SLC26A7: variants seen among roughly 807,000 people sequenced by gnomAD.
SLC26A7 encodes anion exchange transporter.
In SLC26A7, 59 loss-of-function variants were observed where a neutral mutation model predicts 82.5. The ratio of observed to expected loss-of-function variants is 0.72; its 90% CI spans 0.58 to 0.89. The LOEUF (loss-of-function observed/expected upper bound fraction) is 0.89. Among genes scored for constraint, SLC26A7 ranks in the 40% least tolerant of loss-of-function variants. The pLI, the probability that SLC26A7 is intolerant of heterozygous loss-of-function variation, is 0.00. For synonymous variants in SLC26A7, 271 were observed against 274.3 expected (o/e 0.99, Z 0.12); for missense variants, 820 against 793.0 (o/e 1.03, Z -0.41).
At chr8:91,327,417 C>G (rs1812962667) in intron 5 of SLC26A7, among the ~76,000 whole-genome samples, 1 of 152,070 alleles carries the variant, frequency 6.6e-6, no homozygotes, top group African/African-American at 2.4e-5. Context: ...ACAGTAGATA[C>G]AATGAGTAAA....
chr8:91,345,863 C>A (rs1008472050), intron 9 of SLC26A7, among the ~76,000 whole-genome samples: 2 of 152,004 alleles, frequency 1.3e-5, no homozygotes, highest in Admixed American at 6.6e-5. Flanking sequence ...CCTTTAATAT[C>A]GAGTGTCTGA....
chr8:91,335,761 T>G (rs1405124616), intron 6 of SLC26A7, among the ~76,000 whole-genome samples: 1 of 152,198 alleles, frequency 6.6e-6, no homozygotes, highest in East Asian at 1.9e-4. Flanking sequence ...TAGATCAAAA[T>G]GTTAAATATA....
At chr8:91,359,087 T>TA (rs1414402440) in intron 11 of SLC26A7, among the ~76,000 whole-genome samples, 1 of 151,888 alleles carries the variant, frequency 6.6e-6, no homozygotes, top group African/African-American at 2.4e-5. Context: ...AATAAAAATA[T>TA]AAAAAAGAAC....
intron 2 of SLC26A7, among the ~76,000 whole-genome samples, chr8:91,240,247 T>C (rs1312910971): frequency 1.3e-5 from 2 of 152,180 alleles, no homozygotes; most frequent in East Asian, 1.9e-4. Context: ...TCCATAAGGA[T>C]TGGTTTATCT....
chr8:91,252,434 T>A (rs1374043998), intron 2 of SLC26A7, among the ~76,000 whole-genome samples: 1 of 152,104 alleles, frequency 6.6e-6, no homozygotes, highest in Non-Finnish European at 1.5e-5. Flanking sequence ...CTATTATCAG[T>A]AGCATTTTCT....
At chr8:91,210,562 G>GACACACACAC (rs35968986) in intron 1 of SLC26A7, among the ~76,000 whole-genome samples, 2,711 of 146,148 alleles carry the variant, frequency 0.019, 59 homozygotes, top group African/African-American at 0.046. Flanking sequence ...CACACACACA[G>GACACACACAC]ACACACACAC....
chr8:91,259,715 C>G (rs769183371), intron 2 of SLC26A7, among the ~76,000 whole-genome samples: 30 of 151,990 alleles, frequency 2.0e-4, no homozygotes, highest in Non-Finnish European at 3.8e-4. Context: ...GAATAATATT[C>G]CCCTGCCTTG....
intron 15 of SLC26A7, among the ~76,000 whole-genome samples, chr8:91,378,872 G>A (rs933356709): frequency 6.6e-6 from 1 of 151,850 alleles, no homozygotes; most frequent in African/African-American, 2.4e-5. Context: ...CAATTAAAAG[G>A]AAAAGAGGAA....
intron 5 of SLC26A7, among the ~76,000 whole-genome samples, chr8:91,319,801 T>C (rs1245632458): frequency 3.3e-5 from 5 of 152,222 alleles, no homozygotes; most frequent in Non-Finnish European, 5.9e-5. Context: ...GACTGTCCAT[T>C]ACCACTTGGC....
intron 15 of SLC26A7, among the ~76,000 whole-genome samples, chr8:91,377,460 G>A (rs938007713): frequency 2.0e-5 from 3 of 152,174 alleles, no homozygotes; most frequent in Non-Finnish European, 4.4e-5. Flanking sequence ...AAGTCAGAGC[G>A]GGTTGTAGGA....
intron 16 of SLC26A7, among the ~76,000 whole-genome samples, chr8:91,393,441 T>C (rs1163466520): frequency 2.6e-5 from 4 of 152,090 alleles, no homozygotes; most frequent in Non-Finnish European, 4.4e-5. Context: ...AAGCAGTAGG[T>C]CTGCAGCTTT....
intron 2 of SLC26A7, among the ~76,000 whole-genome samples, chr8:91,287,894 T>A (rs1811754169): frequency 6.6e-6 from 1 of 152,188 alleles, no homozygotes; most frequent in African/African-American, 2.4e-5. Context: ...CTTTATGAAA[T>A]TCTAGAACAG....
chr8:91,255,050 T>C (rs1242107331), intron 2 of SLC26A7, among the ~76,000 whole-genome samples: 2 of 152,130 alleles, frequency 1.3e-5, no homozygotes, highest in African/African-American at 2.4e-5. Flanking sequence ...AGATTCTCTG[T>C]TTCCAACATG....
intron 11 of SLC26A7, among the ~76,000 whole-genome samples, chr8:91,357,901 A>C (rs1218834985): frequency 1.3e-5 from 2 of 152,232 alleles, no homozygotes; most frequent in Non-Finnish European, 2.9e-5. Flanking sequence ...AATGAACTCA[A>C]ACAAATTTAC....
intron 2 of SLC26A7, among the ~76,000 whole-genome samples, chr8:91,279,125 G>A (rs7822673): frequency 0.029 from 3,189 of 110,998 alleles, 76 homozygotes; most frequent in African/African-American, 0.05. Flanking sequence ...GTGTGTGTGT[G>A]TATATATATA....
intron 11 of SLC26A7, among the ~76,000 whole-genome samples, chr8:91,359,756 A>G (rs1037168432): frequency 1.3e-5 from 2 of 152,156 alleles, no homozygotes; most frequent in Admixed American, 1.3e-4. Context: ...ACAGCATTCA[A>G]AGTATGAATA....
chr8:91,249,613 G>T lies in SLC26A7; in HGVS notation c.-39G>T, dbSNP rs879236535. On this transcript the variant is annotated 5_prime_UTR_variant, in exon 2 of 19. Transcript: ENST00000276609. ...GTGTTCTGCAATGATTTTTTTTCTT[G>T]TTTAGAGAAGTTTACTTCTACAAGA... 2.8e-6 allele frequency: 4 copies of T among 1,449,370 alleles called. No homozygotes were observed. Among genetic ancestry groups the T allele is most frequent in the Non-Finnish European group, 2.7e-6 (3 of 1,097,534 alleles). The allele number at this position is 1,449,370 out of a possible 1,614,324, so 89.8% of individuals were successfully genotyped here.
chr8:91,238,095 C>T (rs1005320039), intron 2 of SLC26A7, among the ~76,000 whole-genome samples: 1 of 152,152 alleles, frequency 6.6e-6, no homozygotes, highest in Non-Finnish European at 1.5e-5. Context: ...GCTTTTACCA[C>T]TGCTGTATTC....
intron 15 of SLC26A7, among the ~76,000 whole-genome samples, chr8:91,370,139 A>G (rs55904133): frequency 0.065 from 9,680 of 148,268 alleles, 430 homozygotes; most frequent in African/African-American, 0.14. Context: ...CTTCACTTCT[A>G]GTCTTCTTTC....
Sources: allele counts gnomAD v4.1 joint callset (sites outside exome capture counted in the v4.1 genomes callset), GRCh38; gene constraint gnomAD v4.1.1; transcripts MANE v1.5; gene names NCBI Gene and HGNC (gene_info 2026-07-23, HGNC 2026-07-21).